Variants in ADAMTS18 observed in about 807,000 individuals in gnomAD.
ADAMTS18 encodes A disintegrin and metalloproteinase with thrombospondin motifs 18.
A neutral mutation model predicts 165.9 loss-of-function variants in ADAMTS18; 157 were observed. That is an observed-to-expected ratio of 0.95 (90% CI 0.83 to 1.08). The LOEUF is 1.08. Among genes scored for constraint, ADAMTS18 ranks in the 50% least tolerant of loss-of-function variants. The pLI is 0.00. For missense variants in ADAMTS18, 2,040 were observed against 1,534.0 expected (o/e 1.33, Z -5.51); for synonymous variants, 782 against 578.2 (o/e 1.35, Z -5.06).
At chr16:77,306,575 A>T (rs2144606589) in intron 16 of ADAMTS18, among the ~76,000 whole-genome samples, 1 of 152,126 alleles carries the variant, frequency 6.6e-6, no homozygotes, top group Non-Finnish European at 1.5e-5. Context: ...CTTCTTCTTC[A>T]AGAAGTTGTC....
At chr16:77,397,626 A>G (rs1287782092) in intron 3 of ADAMTS18, among the ~76,000 whole-genome samples, 1 of 152,260 alleles carries the variant, frequency 6.6e-6, no homozygotes, top group African/African-American at 2.4e-5. Flanking sequence ...AGAAAATAGG[A>G]TTTATACAAA....
intron 11 of ADAMTS18, among the ~76,000 whole-genome samples, chr16:77,339,457 T>C (rs1043598539): frequency 6.6e-6 from 1 of 152,122 alleles, no homozygotes; most frequent in African/African-American, 2.4e-5. Flanking sequence ...CAAGTACGTT[T>C]TATCCCCCTT....
At chr16:77,362,009 T>C in intron 7 of ADAMTS18, 96 bp downstream of exon 7, 5 of 1,354,606 alleles carry the variant, frequency 3.7e-6, no homozygotes, top group Non-Finnish European at 5.2e-6. Flanking sequence ...TATGTCTGTT[T>C]ATTAAGGAAC....
Position 77,434,639 on chromosome 16 carries a change from C to T in ADAMTS18, c.57G>A (p.Pro19=), listed in dbSNP as rs1459429824. The T allele has an allele frequency of 6.7e-7, 1 of 1,484,674 alleles. No individual in the cohort carries two copies. Among genetic ancestry groups the T allele is most frequent in the South Asian group, 1.3e-5 (1 of 78,904 alleles). 92.0% of individuals were successfully genotyped at this position (1,484,674 alleles called of 1,614,324 possible). A position where few individuals can be genotyped will look rare whatever the true frequency, so the allele number is the denominator to read the frequency against. Residue 19 remains proline, a synonymous_variant, in exon 1 of 23, where the codon CCG becomes CCA. Transcript: ENST00000282849. ...CGCGCCCCAGTCCCGCCAGGCCCCT[C>T]GGCGGGCCCGAACCCGCAGCCGGGA... is the stretch of plus-strand genomic sequence containing the variant. ...CAFPAAGSGP[P]RGLAGLGRVA...
Position 77,283,882 on chromosome 16 carries a change from C to G in ADAMTS18, c.*74G>C, listed in dbSNP as rs2055196134. On this transcript the variant is annotated 3_prime_UTR_variant, in exon 23 of 23. Transcript: ENST00000282849. Reference sequence around the variant, plus strand: ...TGGTTCTCGGTGCTCAGCTCCTGGTCTCAAAGGCAGCTGGTCTCTCTAGAG... The same window carrying G: ...TGGTTCTCGGTGCTCAGCTCCTGGTGTCAAAGGCAGCTGGTCTCTCTAGAG... The G allele has an allele frequency of 3.3e-6, 4 of 1,198,590 alleles. No homozygotes were observed. Among genetic ancestry groups the G allele is most frequent in the South Asian group, 1.2e-5 (1 of 81,986 alleles). 74.2% of individuals were successfully genotyped at this position (1,198,590 alleles called of 1,614,324 possible).
At chr16:77,413,422 T>C (rs776527124) in intron 3 of ADAMTS18, among the ~76,000 whole-genome samples, 2 of 152,330 alleles carry the variant, frequency 1.3e-5, no homozygotes, top group East Asian at 3.9e-4. Flanking sequence ...TCTGCTTCAG[T>C]GCTAGCATTG....
At chr16:77,415,772 C>A (rs1294254557) in intron 3 of ADAMTS18, among the ~76,000 whole-genome samples, 1 of 146,498 alleles carries the variant, frequency 6.8e-6, no homozygotes, top group Non-Finnish European at 1.5e-5. Context: ...TTTTTGAGTC[C>A]CCACATAAAA....
At chr16:77,428,833 T>G (rs1039261675) in intron 3 of ADAMTS18, among the ~76,000 whole-genome samples, 1 of 152,128 alleles carries the variant, frequency 6.6e-6, no homozygotes, top group African/African-American at 2.4e-5. Context: ...CCACAACACT[T>G]CTGGTCCCAA....
chr16:77,312,433 T>C (rs2055800351), intron 16 of ADAMTS18, among the ~76,000 whole-genome samples: 1 of 152,118 alleles, frequency 6.6e-6, no homozygotes, highest in Non-Finnish European at 1.5e-5. Flanking sequence ...AGACAAGGGT[T>C]CACCATGTTG....
At chr16:77,291,767 G>C (rs1206052846) in intron 20 of ADAMTS18, among the ~76,000 whole-genome samples, 2 of 152,202 alleles carry the variant, frequency 1.3e-5, no homozygotes, top group African/African-American at 4.8e-5. Context: ...GTGTGAGATG[G>C]AGTCCAGGAG....
chr16:77,388,971 G>C (rs1263862539), intron 3 of ADAMTS18, among the ~76,000 whole-genome samples: 1 of 152,172 alleles, frequency 6.6e-6, no homozygotes, highest in Non-Finnish European at 1.5e-5. Context: ...GAAGTCATTA[G>C]GTGGAGAATC....
chr16:77,370,187 C>T (rs1029479724), intron 3 of ADAMTS18, among the ~76,000 whole-genome samples: 1 of 152,086 alleles, frequency 6.6e-6, no homozygotes, highest in African/African-American at 2.4e-5. Context: ...GACAAAGATG[C>T]CCACTTTCAC....
chr16:77,421,702 T>C (rs1455426799), intron 3 of ADAMTS18, among the ~76,000 whole-genome samples: 2 of 152,222 alleles, frequency 1.3e-5, no homozygotes, highest in Admixed American at 6.5e-5. Flanking sequence ...TATCTGGCTA[T>C]AGCTGATGTC....
intron 3 of ADAMTS18, among the ~76,000 whole-genome samples, chr16:77,416,022 G>A (rs1237255745): frequency 6.6e-6 from 1 of 152,090 alleles, no homozygotes; most frequent in Non-Finnish European, 1.5e-5. Flanking sequence ...AAGGTGGAAG[G>A]CAGAATATGC....
intron 3 of ADAMTS18, among the ~76,000 whole-genome samples, chr16:77,404,735 C>T (rs1315143985): frequency 1.3e-5 from 2 of 152,064 alleles, no homozygotes; most frequent in African/African-American, 2.4e-5. Context: ...TGATCCTTTG[C>T]GTCTAAGGTG....
intron 3 of ADAMTS18, among the ~76,000 whole-genome samples, chr16:77,382,538 TGAA>T (rs2057046761): frequency 6.6e-6 from 1 of 152,206 alleles, no homozygotes; most frequent in African/African-American, 2.4e-5. Flanking sequence ...GGACAGATAC[TGAA>T]GCTACATGAC....
chr16:77,432,539 A>G (rs1405674013), intron 2 of ADAMTS18: 1 of 152,356 alleles, frequency 6.6e-6, no homozygotes, highest in South Asian at 2.1e-4. Context: ...ATTGAAGCTG[A>G]AAAGCATCAT....
chr16:77,425,768 C>T (rs1436600704), intron 3 of ADAMTS18, among the ~76,000 whole-genome samples: 1 of 152,058 alleles, frequency 6.6e-6, no homozygotes, highest in Non-Finnish European at 1.5e-5. Flanking sequence ...GTGGGCCGGG[C>T]ACGGTGGCTC....
intron 3 of ADAMTS18, among the ~76,000 whole-genome samples, chr16:77,424,626 C>A (rs970495218): frequency 6.6e-6 from 1 of 152,160 alleles, no homozygotes; most frequent in Non-Finnish European, 1.5e-5. Flanking sequence ...TGGCATTTTG[C>A]TTCAAGTTTG....
Sources: gnomAD v4.1 joint callset for allele counts (sites outside exome capture counted in the v4.1 genomes callset) on GRCh38, gnomAD v4.1.1 for gene constraint, MANE v1.5 for transcripts, NCBI Gene and HGNC (gene_info 2026-07-23, HGNC 2026-07-21) for gene names.